AUTS2: variants seen among roughly 807,000 people sequenced by gnomAD.
The protein encoded by AUTS2 is activator of transcription and developmental regulator AUTS2.
AUTS2 carries 17 observed loss-of-function variants against 112.4 expected under a neutral mutation model. The ratio of observed to expected loss-of-function variants is 0.15; its 90% CI spans 0.10 to 0.23. The LOEUF (loss-of-function observed/expected upper bound fraction) is 0.23, where lower values mean the gene tolerates loss of function less well. AUTS2 is among the 10% of genes least tolerant of loss of function. AUTS2 has a pLI of 1.00. For synonymous variants in AUTS2, 751 were observed against 702.7 expected (o/e 1.07, Z -1.09); for missense variants, 1,510 against 1,701.6 (o/e 0.89, Z 1.98).
chr7:70,353,562 G>C (rs1245040349), intron 4 of AUTS2, among the ~76,000 whole-genome samples: 3 of 152,104 alleles, frequency 2.0e-5, no homozygotes, highest in African/African-American at 7.2e-5. Context: ...AACTTGATCC[G>C]ATCTTTCTCC....
At chr7:70,491,303 C>G (rs921914269) in intron 5 of AUTS2, among the ~76,000 whole-genome samples, 1 of 151,830 alleles carries the variant, frequency 6.6e-6, no homozygotes, top group Admixed American at 6.6e-5. Flanking sequence ...TGATCCTGGG[C>G]AGGCTCCCTT....
intron 5 of AUTS2, among the ~76,000 whole-genome samples, chr7:70,698,367 T>C (rs1809248706): frequency 6.6e-6 from 1 of 150,460 alleles, no homozygotes; most frequent in Non-Finnish European, 1.5e-5. Flanking sequence ...ATCAGATTTT[T>C]TTCCCCCCAG....
chr7:69,877,844 G>C (rs1325236817), intron 1 of AUTS2, among the ~76,000 whole-genome samples: 1 of 152,148 alleles, frequency 6.6e-6, no homozygotes, highest in Non-Finnish European at 1.5e-5. Flanking sequence ...AGGGGTGCTT[G>C]GGAGAGAGAA....
chr7:69,845,725 C>T (rs1749962730), intron 1 of AUTS2, among the ~76,000 whole-genome samples: 1 of 152,174 alleles, frequency 6.6e-6, no homozygotes, highest in South Asian at 2.1e-4. Flanking sequence ...TAGGGTGGCC[C>T]TCTGCTGACC....
At chr7:70,304,157 G>A (rs892297157) in intron 4 of AUTS2, among the ~76,000 whole-genome samples, 5 of 152,174 alleles carry the variant, frequency 3.3e-5, no homozygotes, top group African/African-American at 1.2e-4. Flanking sequence ...AGAAGCAGGG[G>A]TCCTCTTCTA....
chr7:69,793,235 C>G (rs1168599265), intron 1 of AUTS2, among the ~76,000 whole-genome samples: 2 of 152,162 alleles, frequency 1.3e-5, no homozygotes, highest in African/African-American at 4.8e-5. Flanking sequence ...CTATGGTGCT[C>G]TCTGTTTCCA....
intron 5 of AUTS2, among the ~76,000 whole-genome samples, chr7:70,513,404 C>A (rs1275412022): frequency 3.3e-5 from 5 of 152,136 alleles, no homozygotes; most frequent in Non-Finnish European, 7.3e-5. Context: ...TTGAAGATAG[C>A]AAAAGCCTGT....
At chr7:70,658,997 T>C (rs1806923804) in intron 5 of AUTS2, among the ~76,000 whole-genome samples, 1 of 152,200 alleles carries the variant, frequency 6.6e-6, no homozygotes, top group Admixed American at 6.5e-5. Flanking sequence ...CCAGAGAGCC[T>C]TCCGTGATTT....
chr7:70,076,307 CACTT>C lies in AUTS2; in HGVS notation c.523-41823_523-41820del, dbSNP rs200449228. Among the ~76,000 whole-genome samples, 1,247 of 152,300 alleles carry C rather than the reference CACTT, an allele frequency of 8.2e-3. 28 individuals are homozygous for C. Among genetic ancestry groups the C allele is most frequent in the East Asian group, 0.064 (331 of 5,186 alleles). ...TTAATAATAGTTTACAGTAAGTTCT[CACTT>C]AATGTTGTCAGTCATTTCTTGGACA... On this transcript the variant is annotated intron_variant, in intron 2 of 18. Coordinates refer to ENST00000342771, the MANE Select transcript of AUTS2 (RefSeq NM_015570.4).
intron 2 of AUTS2, among the ~76,000 whole-genome samples, chr7:70,098,068 A>C (rs1445222031): frequency 6.6e-6 from 1 of 152,232 alleles, no homozygotes; most frequent in African/African-American, 2.4e-5. Flanking sequence ...GCTCCCATTA[A>C]AAGAAAAAAA....
At chr7:70,188,130 C>T (rs949872943) in intron 4 of AUTS2, among the ~76,000 whole-genome samples, 3 of 152,114 alleles carry the variant, frequency 2.0e-5, no homozygotes, top group Non-Finnish European at 4.4e-5. Context: ...TTATTGAGTG[C>T]CTTTGATGTG....
intron 1 of AUTS2, among the ~76,000 whole-genome samples, chr7:69,799,852 T>G (rs1339794943): frequency 6.6e-6 from 1 of 152,162 alleles, no homozygotes; most frequent in Non-Finnish European, 1.5e-5. Flanking sequence ...CATTTGTGTG[T>G]GTTCCTTTTG....
chr7:69,684,164 GT>G (rs962698586), intron 1 of AUTS2, among the ~76,000 whole-genome samples: 14 of 152,178 alleles, frequency 9.2e-5, no homozygotes, highest in African/African-American at 3.4e-4. Context: ...GGGAGGAAGA[GT>G]CATGGGGAGG....
chr7:70,627,660 G>A (rs918218763), intron 5 of AUTS2, among the ~76,000 whole-genome samples: 2 of 152,160 alleles, frequency 1.3e-5, no homozygotes, highest in Non-Finnish European at 1.5e-5. Context: ...TAGGGCTGGC[G>A]CCAGTTCCTG....
intron 6 of AUTS2, among the ~76,000 whole-genome samples, chr7:70,752,672 GT>G (rs1244956552): frequency 1.3e-5 from 2 of 151,980 alleles, no homozygotes; most frequent in African/African-American, 4.8e-5. Context: ...GTACAAATGA[GT>G]TTTTCCCCCG....
intron 5 of AUTS2, among the ~76,000 whole-genome samples, chr7:70,489,344 G>A (rs1024922716): frequency 5.3e-5 from 8 of 152,290 alleles, no homozygotes; most frequent in Non-Finnish European, 7.3e-5. Context: ...TCCAGTGTCC[G>A]CTGTTAAGTA....
chr7:70,012,198 C>T (rs1799836498), intron 2 of AUTS2, among the ~76,000 whole-genome samples: 1 of 152,126 alleles, frequency 6.6e-6, no homozygotes, highest in Non-Finnish European at 1.5e-5. Context: ...ATTTGCTAAC[C>T]TCCTTGGACA....
At chr7:70,228,723 A>G (rs538471412) in intron 4 of AUTS2, among the ~76,000 whole-genome samples, 2 of 151,938 alleles carry the variant, frequency 1.3e-5, no homozygotes, top group Non-Finnish European at 1.5e-5. Context: ...ACTTTGCTTC[A>G]CTATAGATCC....
Position 70,351,520 on chromosome 7 carries a change from T to A in AUTS2, c.661-84232T>A, listed in dbSNP as rs76566840. Among the ~76,000 whole-genome samples, 1,333 of 152,292 alleles carry A rather than the reference T, an allele frequency of 8.8e-3. 24 individuals are homozygous for A. The highest frequency in any genetic ancestry group is 0.031 in the African/African-American group (1,269 of 41,554). On this transcript the variant is annotated intron_variant, in intron 4 of 18. Coordinates refer to ENST00000342771, the MANE Select transcript of AUTS2 (RefSeq NM_015570.4). ...TGGGGGTGCAGGTATCTCTTCAAGA[T>A]GTTAATTTCATTTTCTTTGGAGGGA...
Sources: gnomAD v4.1 joint callset for allele counts (sites outside exome capture counted in the v4.1 genomes callset) on GRCh38, gnomAD v4.1.1 for gene constraint, MANE v1.5 for transcripts, NCBI Gene and HGNC (gene_info 2026-07-23, HGNC 2026-07-21) for gene names.